OPRM1: variants seen among roughly 807,000 people sequenced by gnomAD.
The protein encoded by OPRM1 is opioid receptor mu 1.
In OPRM1, 27 loss-of-function variants were observed where a neutral mutation model predicts 31.8. That is an observed-to-expected ratio of 0.85 (90% CI 0.63 to 1.17). The LOEUF is 1.17. Among genes scored for constraint, OPRM1 ranks in the 50% most tolerant of loss-of-function variants. The pLI is 0.00. For synonymous variants in OPRM1, 196 were observed against 189.9 expected (o/e 1.03, Z -0.26); for missense variants, 536 against 511.1 (o/e 1.05, Z -0.47).
In OPRM1 at chr6:154,107,327, C is replaced by T. The variant is rs143601668; in HGVS notation, c.1165-11356C>T. 277 of 614,214 alleles carry T rather than the reference C, an allele frequency of 4.5e-4. 1 individual carries two copies. The East Asian group carries it at 6.3e-3, about 14-fold the overall frequency. 38.0% of individuals were successfully genotyped at this position (614,214 alleles called of 1,614,324 possible). On this transcript the variant is annotated intron_variant, in intron 3 of 3. Transcript: ENST00000330432. ...TTTAGAATTTCTTATGCCAAAAGGCCGGTATTTCTGGCTTTTGAACTTCAC... is the reference window on the plus strand; with the variant it reads ...TTTAGAATTTCTTATGCCAAAAGGCTGGTATTTCTGGCTTTTGAACTTCAC...
At chr6:154,238,942 G>A (rs1780360787) in intron 3 of OPRM1, among the ~76,000 whole-genome samples, 1 of 150,272 alleles carries the variant, frequency 6.7e-6, no homozygotes, top group African/African-American at 2.5e-5. Context: ...AAAAAAAAAA[G>A]AAGTTGTGGA....
chr6:154,149,200 T>G (rs1023477226), intron 3 of OPRM1, among the ~76,000 whole-genome samples: 1 of 152,104 alleles, frequency 6.6e-6, no homozygotes, highest in Non-Finnish European at 1.5e-5. Context: ...CTCAGGAAAC[T>G]TAACAATCGT....
At chr6:154,047,173 T>C (rs1781270806) in intron 1 of OPRM1, among the ~76,000 whole-genome samples, 1 of 148,900 alleles carries the variant, frequency 6.7e-6, no homozygotes, top group Non-Finnish European at 1.5e-5. Context: ...CATGTTTCAT[T>C]CCCCCCACCC....
upstream of OPRM1, among the ~76,000 whole-genome samples, chr6:154,038,095 T>TTA: frequency 6.6e-6 from 1 of 152,114 alleles, no homozygotes; most frequent in East Asian, 1.9e-4. Context: ...TAGCCTATGA[T>TTA]TAATAGAGTT....
chr6:154,125,362 G>A lies in OPRM1; in HGVS notation c.*6641G>A, dbSNP rs549369471. Among the ~76,000 whole-genome samples the A allele has an allele frequency of 6.6e-6, 1 of 152,256 alleles. No homozygotes were observed. Among genetic ancestry groups the A allele is most frequent in the South Asian group, 2.1e-4 (1 of 4,826 alleles). The stretch of plus-strand genomic sequence containing the variant: ...CGTTTTCTACCTGCCCCACAACTGT[G>A]TACATAAAACCTAAACCTCTGAAGC... On this transcript the variant is annotated 3_prime_UTR_variant, in exon 4 of 4. Coordinates refer to ENST00000330432, the MANE Select transcript of OPRM1 (RefSeq NM_000914.5).
Position 154,039,625 on chromosome 6 carries a change from C to A in OPRM1, c.81C>A (p.Ser27Arg). Residue 27 changes from serine (S) to arginine (R), a missense_variant, in exon 1 of 4, where the codon AGC (serine) becomes AGA (arginine). Transcript: ENST00000330432. The stretch of plus-strand genomic sequence containing the variant: ...ACTCAAGTTGCTCCCCAGCACCCAG[C>A]CCCGGTTCCTGGGTCAACTTGTCCC... The part of the protein sequence containing the change: ...LAYSSCSPAP[S>R]PGSWVNLSHL... 6.2e-7 allele frequency: 1 copy of A among 1,613,854 alleles called. No homozygotes were observed. Among genetic ancestry groups the A allele is most frequent in the South Asian group, 1.1e-5 (1 of 91,068 alleles).
chr6:154,100,050 TC>T (rs1794406861), intron 3 of OPRM1, among the ~76,000 whole-genome samples: 1 of 136,074 alleles, frequency 7.3e-6, no homozygotes, highest in Non-Finnish European at 1.5e-5. Context: ...ATGATATATA[TC>T]ATATGATATA....
At chr6:154,112,555 G>C (rs1796468207) in intron 3 of OPRM1, among the ~76,000 whole-genome samples, 1 of 152,182 alleles carries the variant, frequency 6.6e-6, no homozygotes. Context: ...AGGAGCCAGA[G>C]TCTCAAAATG....
chr6:154,171,504 A>G (rs1291508864), intron 3 of OPRM1, among the ~76,000 whole-genome samples: 1 of 152,174 alleles, frequency 6.6e-6, no homozygotes, highest in African/African-American at 2.4e-5. Flanking sequence ...CTAATGTGTA[A>G]GGATTTCTTT....
intron 3 of OPRM1, among the ~76,000 whole-genome samples, chr6:154,163,123 G>A (rs929486366): frequency 6.6e-6 from 1 of 152,128 alleles, no homozygotes; most frequent in African/African-American, 2.4e-5. Context: ...ACCTTCCAGA[G>A]GGTCACTGTC....
chr6:154,165,576 G>C (rs1799359958), intron 3 of OPRM1, among the ~76,000 whole-genome samples: 1 of 152,164 alleles, frequency 6.6e-6, no homozygotes, highest in Admixed American at 6.5e-5. Context: ...GGGATCTATG[G>C]AAAGGGCTCC....
At chr6:154,108,865 T>A in intron 3 of OPRM1, 2 of 984,834 alleles carry the variant, frequency 2.0e-6, no homozygotes, top group Non-Finnish European at 2.4e-6. Flanking sequence ...CTAGAAGTGT[T>A]CTCTAAAATT....
At chr6:154,230,220 C>G (rs138660925) in intron 3 of OPRM1, among the ~76,000 whole-genome samples, 1 of 152,066 alleles carries the variant, frequency 6.6e-6, no homozygotes, top group South Asian at 2.1e-4. Context: ...TAAAATGTAC[C>G]TTAATAAAGC....
At chr6:154,240,135 A>C (rs1780462591) in intron 3 of OPRM1, among the ~76,000 whole-genome samples, 1 of 152,234 alleles carries the variant, frequency 6.6e-6, no homozygotes, top group South Asian at 2.1e-4. Context: ...GTCTGGGAAC[A>C]CATCAGTGTT....
At chr6:154,144,325 T>C (rs1485270992) in intron 3 of OPRM1, among the ~76,000 whole-genome samples, 2 of 152,228 alleles carry the variant, frequency 1.3e-5, no homozygotes, top group East Asian at 1.9e-4. Context: ...AAAGCTACTG[T>C]TATATTGATA....
exon 1 of OPRM1, chr6:154,010,576 A>C: frequency 6.5e-7 from 1 of 1,544,724 alleles, no homozygotes; most frequent in Non-Finnish European, 8.8e-7. Context: ...TTGGAAGAAA[A>C]TACTCCTCTG....
At chr6:154,146,559 T>C (rs1330243539) in intron 3 of OPRM1, among the ~76,000 whole-genome samples, 2 of 152,178 alleles carry the variant, frequency 1.3e-5, no homozygotes, top group South Asian at 2.1e-4. Context: ...ATTGAAAATA[T>C]GTTGTGTGAT....
chr6:154,238,825 C>T (rs934201230), intron 3 of OPRM1, among the ~76,000 whole-genome samples: 2 of 151,898 alleles, frequency 1.3e-5, no homozygotes, highest in Non-Finnish European at 2.9e-5. Flanking sequence ...GGATTACAGG[C>T]GTGAGCCACC....
At chr6:154,072,368 T>C (rs948355837) in intron 1 of OPRM1, among the ~76,000 whole-genome samples, 5 of 152,190 alleles carry the variant, frequency 3.3e-5, no homozygotes, top group African/African-American at 1.2e-4. Flanking sequence ...ACTACTACTA[T>C]AATCATCACA....
Sources: allele counts gnomAD v4.1 joint callset (sites outside exome capture counted in the v4.1 genomes callset), GRCh38; gene constraint gnomAD v4.1.1; transcripts MANE v1.5; gene names NCBI Gene and HGNC (gene_info 2026-07-23, HGNC 2026-07-21).